TMEM232: variants seen among roughly 807,000 people sequenced by gnomAD.
TMEM232 encodes transmembrane protein 232.
TMEM232 carries 80 observed loss-of-function variants against 78.8 expected under a neutral mutation model. The ratio of observed to expected loss-of-function variants is 1.01; its 90% CI spans 0.85 to 1.22. TMEM232 has a LOEUF of 1.22. Among genes scored for constraint, TMEM232 ranks in the 50% most tolerant of loss-of-function variants. The pLI, the probability that TMEM232 is intolerant of heterozygous loss-of-function variation, is 0.00. For missense variants in TMEM232, 881 were observed against 742.2 expected, an observed-to-expected ratio of 1.19 and a Z score of -2.17; for synonymous variants, 297 against 254.3, an observed-to-expected ratio of 1.17 and a Z score of -1.60.
In TMEM232 at chr5:110,449,733, G is replaced by A. The variant is rs55654721; in HGVS notation, c.1704-24817C>T. Among the ~76,000 whole-genome samples, 704 of 152,074 alleles carry A rather than the reference G, an allele frequency of 4.6e-3. 4 individuals are homozygous for A. The highest frequency in any genetic ancestry group is 0.016 in the African/African-American group (677 of 41,492). On this transcript the variant is annotated intron_variant, in intron 12 of 13. Transcript: ENST00000455884. Reference sequence around the variant, plus strand: ...ACTATGGAGCACCTACTGTATACTCGGTTCTGTATCAGATTGTGGAGCTAC... The same window carrying A: ...ACTATGGAGCACCTACTGTATACTCAGTTCTGTATCAGATTGTGGAGCTAC...
chr5:110,678,544 A>C (rs933413070), intron 1 of TMEM232, among the ~76,000 whole-genome samples: 3 of 152,204 alleles, frequency 2.0e-5, no homozygotes, highest in African/African-American at 7.2e-5. Context: ...CCCAAAGTCC[A>C]TAGTTTACAT....
At chr5:110,510,072 T>A (rs1767538253) in intron 12 of TMEM232, among the ~76,000 whole-genome samples, 1 of 152,224 alleles carries the variant, frequency 6.6e-6, no homozygotes. Context: ...CTCAAAATTC[T>A]ACCAGAGGCC....
At chr5:110,526,025 C>CAAAAAAAAAAAAA (rs758110596) in intron 12 of TMEM232, among the ~76,000 whole-genome samples, 2 of 47,808 alleles carry the variant, frequency 4.2e-5, no homozygotes, top group Non-Finnish European at 4.0e-5. Flanking sequence ...CACCATACAC[C>CAAAAAAAAAAAAA]AAAAAAAAAA....
chr5:110,605,203 A>AT lies in TMEM232; in HGVS notation c.1181dup (p.Asn394LysfsTer34). ...GTACTGATTTGTCCAAGTATAAAAT[A>AT]TTTTTTTGTGAACTTTTACAGTGAC... On this transcript the variant is annotated frameshift_variant, in exon 10 of 14. Transcript: ENST00000455884. LOFTEE classifies it high-confidence loss of function. 6.4e-7 allele frequency: 1 copy of AT among 1,551,026 alleles called. No individual in the cohort carries two copies. The highest frequency in any genetic ancestry group is 1.2e-5 in the South Asian group (1 of 84,050).
At chr5:110,494,406 TTTACCCACTAGA>T (rs1161473024) in intron 12 of TMEM232, among the ~76,000 whole-genome samples, 2 of 152,028 alleles carry the variant, frequency 1.3e-5, no homozygotes, top group African/African-American at 4.8e-5. Flanking sequence ...ACTATTTTTG[TTTACCCACTAGA>T]TTGCCAAAAA....
At chr5:110,634,507 A>T (rs770606303) in intron 5 of TMEM232, among the ~76,000 whole-genome samples, 2 of 152,142 alleles carry the variant, frequency 1.3e-5, no homozygotes, top group Non-Finnish European at 2.9e-5. Flanking sequence ...TTCTCAGACT[A>T]TAATGAAACA....
intron 7 of TMEM232, among the ~76,000 whole-genome samples, chr5:110,623,431 T>C (rs911426541): frequency 6.6e-6 from 1 of 152,186 alleles, no homozygotes; most frequent in African/African-American, 2.4e-5. Context: ...GCTACAGGAA[T>C]AAATTCACAA....
chr5:110,637,590 A>ATAT lies in TMEM232; in HGVS notation c.501+607_501+608insATA, dbSNP rs552075353. On this transcript the variant is annotated intron_variant, in intron 5 of 13. Coordinates refer to ENST00000455884, the MANE Select transcript of TMEM232 (RefSeq NM_001039763.4). ...ACATATATGTGTATATATATATATA[A>ATAT]AAAACCATCTTAAAAAATACTTTTA... is the stretch of plus-strand genomic sequence containing the variant. Among the ~76,000 whole-genome samples the ATAT allele has an allele frequency of 3.0e-3, 462 of 151,834 alleles. 3 individuals are homozygous for ATAT. The highest frequency in any genetic ancestry group is 0.011 in the African/African-American group (438 of 41,432).
At chr5:110,410,207 G>C (rs1402476169) in intron 2 of TMEM232, among the ~76,000 whole-genome samples, 1 of 152,094 alleles carries the variant, frequency 6.6e-6, no homozygotes, top group African/African-American at 2.4e-5. Flanking sequence ...ATTTGAGTGT[G>C]GCCTTCCAAT....
intron 12 of TMEM232, among the ~76,000 whole-genome samples, chr5:110,516,202 G>A (rs1255680288): frequency 6.6e-6 from 1 of 152,108 alleles, no homozygotes. Flanking sequence ...TCGCGCCACT[G>A]CACTTCAGCC....
At chr5:110,671,599 G>A (rs1033867344) in intron 1 of TMEM232, among the ~76,000 whole-genome samples, 3 of 152,144 alleles carry the variant, frequency 2.0e-5, no homozygotes, top group African/African-American at 7.2e-5. Flanking sequence ...CCTTTGCAGG[G>A]ACATGGATGA....
intron 12 of TMEM232, among the ~76,000 whole-genome samples, chr5:110,521,874 T>C (rs1769567677): frequency 6.6e-6 from 1 of 152,232 alleles, no homozygotes; most frequent in African/African-American, 2.4e-5. Context: ...TTGTAATGTA[T>C]TTTGAAATCA....
chr5:110,404,314 C>A (rs1157660481), intron 2 of TMEM232, among the ~76,000 whole-genome samples: 3 of 152,000 alleles, frequency 2.0e-5, no homozygotes, highest in Admixed American at 2.0e-4. Flanking sequence ...GACATTTTAT[C>A]CTCATCTCTA....
intron 10 of TMEM232, among the ~76,000 whole-genome samples, chr5:110,573,606 A>C (rs1344655401): frequency 6.6e-6 from 1 of 152,098 alleles, no homozygotes; most frequent in African/African-American, 2.4e-5. Context: ...AAAGAAAGTA[A>C]GTATAACAGT....
At chr5:110,638,689 T>C (rs1786242807) in intron 4 of TMEM232, among the ~76,000 whole-genome samples, 2 of 152,074 alleles carry the variant, frequency 1.3e-5, no homozygotes, top group African/African-American at 2.4e-5. Context: ...TAAGCTGCCA[T>C]GTAGGAAGTT....
intron 10 of TMEM232, among the ~76,000 whole-genome samples, chr5:110,571,351 C>A (rs1581251645): frequency 6.6e-6 from 1 of 151,958 alleles, no homozygotes; most frequent in African/African-American, 2.4e-5. Flanking sequence ...TTGCCTGGGG[C>A]TGAAGTGTTT....
chr5:110,417,625 T>C (rs1321999072), downstream of TMEM232: 1 of 112,274 alleles, frequency 8.9e-6, no homozygotes, highest in African/African-American at 4.9e-5. Flanking sequence ...TTTCTTTTTT[T>C]TTTTTTTTTT....
rs188663836 is a variant in TMEM232 at position 110,672,833 on chromosome 5, A to G, written c.-12-5469T>C. On this transcript the variant is annotated intron_variant, in intron 1 of 13. Coordinates refer to ENST00000455884, the MANE Select transcript of TMEM232 (RefSeq NM_001039763.4). ...ATTTAGTACTATTATTTTTATTGTT[A>G]TTATTATTATTATTATTGCATGTAC... is the stretch of plus-strand genomic sequence containing the variant. Among the ~76,000 whole-genome samples the G allele has an allele frequency of 8.7e-3, 1,287 of 147,942 alleles. 16 individuals carry two copies. Among genetic ancestry groups the G allele is most frequent in the African/African-American group, 0.032 (1,214 of 38,230 alleles).
chr5:110,406,322 A>G (rs1755793163), intron 2 of TMEM232, among the ~76,000 whole-genome samples: 1 of 149,624 alleles, frequency 6.7e-6, no homozygotes. Flanking sequence ...GTCTATATAT[A>G]ATATTTTCTG....
Sources: gnomAD v4.1 joint callset for allele counts (sites outside exome capture counted in the v4.1 genomes callset) on GRCh38, gnomAD v4.1.1 for gene constraint, MANE v1.5 for transcripts, NCBI Gene and HGNC (gene_info 2026-07-23, HGNC 2026-07-21) for gene names.